Variants in ATP8B1 observed in about 807,000 individuals in gnomAD.
ATP8B1 encodes the protein phospholipid-transporting ATPase IC.
A neutral mutation model predicts 149.9 loss-of-function variants in ATP8B1; 80 were observed. The observed-to-expected ratio is 0.53, with a 90% CI of 0.45 to 0.64. The LOEUF (loss-of-function observed/expected upper bound fraction) is 0.64. Among genes scored for constraint, ATP8B1 ranks in the 30% least tolerant of loss-of-function variants. The pLI is 0.00. For missense variants in ATP8B1, 1,247 were observed against 1,552.6 expected (o/e 0.80, Z 3.31); for synonymous variants, 536 against 562.8 (o/e 0.95, Z 0.67).
intron 1 of ATP8B1, among the ~76,000 whole-genome samples, chr18:57,770,717 G>A (rs1036262271): frequency 6.6e-6 from 1 of 152,252 alleles, no homozygotes; most frequent in South Asian, 2.1e-4. Flanking sequence ...GTATACTGGG[G>A]CTTGCCTACT....
chr18:57,722,889 G>C (rs1449701743), intron 2 of ATP8B1, among the ~76,000 whole-genome samples: 4 of 149,732 alleles, frequency 2.7e-5, no homozygotes. Flanking sequence ...ACATCAAAAA[G>C]CTTATCCACC....
At chr18:57,650,733 C>T (rs1909557144) in intron 26 of ATP8B1, among the ~76,000 whole-genome samples, 1 of 152,094 alleles carries the variant, frequency 6.6e-6, no homozygotes, top group South Asian at 2.1e-4. Context: ...GTCCCAGCTA[C>T]TCAGGAGACA....
At chr18:57,684,973 A>G in intron 14 of ATP8B1, 99 bp downstream of exon 14, 1 of 1,456,090 alleles carries the variant, frequency 6.9e-7, no homozygotes. Flanking sequence ...GGGAAGAGGC[A>G]ACGAAAGAGT....
rs515726138 is a variant in ATP8B1 at position 57,697,797 on chromosome 18, G to T, written c.625C>A (p.Pro209Thr). Residue 209 changes from proline to threonine, a missense_variant and splice_region_variant, in exon 7 of 28, where the codon CCA becomes ACA. Around this residue, in one of 3 missense-constraint regions of ATP8B1, gnomAD observed 853 missense variants for 1,035.7 expected, o/e 0.82. Coordinates refer to ENST00000648908, the MANE Select transcript of ATP8B1 (RefSeq NM_001374385.1). ...AGAAGCAGAATTTGTTCACTTACTG[G>T]AACAAAATCATTTTTTTTCAGACGA... ...VIRLKKNDFVPADILLLSSSE... is the reference protein window; with the variant it reads ...VIRLKKNDFVTADILLLSSSE... The T allele has an allele frequency of 1.9e-6, 3 of 1,613,750 alleles. No individual in the cohort carries two copies. Among genetic ancestry groups the T allele is most frequent in the East Asian group, 2.2e-5 (1 of 44,848 alleles).
chr18:57,799,458 C>G (rs1009056443), intron 1 of ATP8B1, among the ~76,000 whole-genome samples: 2 of 152,146 alleles, frequency 1.3e-5, no homozygotes, highest in African/African-American at 4.8e-5. Context: ...CGCCTATAAT[C>G]CCAGCACTTT....
rs191124059 is a variant in ATP8B1 at position 57,751,597 on chromosome 18, A to T, written c.-25-19765T>A. Among the ~76,000 whole-genome samples, 9 of 152,326 alleles carry T rather than the reference A, an allele frequency of 5.9e-5. No individual in the cohort carries two copies. The East Asian group carries it at 1.7e-3, about 29-fold the overall frequency. On this transcript the variant is annotated intron_variant, in intron 1 of 27. Coordinates refer to ENST00000648908, the MANE Select transcript of ATP8B1 (RefSeq NM_001374385.1). ...TGGGGATCTACAAGGCTTCCAGATT[A>T]TCTTCAAAATCTGTTGATAGACATT...
At chr18:57,796,410 C>T (rs2080515888) in intron 1 of ATP8B1, among the ~76,000 whole-genome samples, 1 of 152,124 alleles carries the variant, frequency 6.6e-6, no homozygotes, top group Non-Finnish European at 1.5e-5. Context: ...ACTCGGGAGA[C>T]TAAGGCGAGA....
chr18:57,799,359 A>G (rs1253495803), intron 1 of ATP8B1, among the ~76,000 whole-genome samples: 1 of 152,236 alleles, frequency 6.6e-6, no homozygotes, highest in Non-Finnish European at 1.5e-5. Context: ...ATTTATAAGT[A>G]TCAAAGAAAG....
At chr18:57,763,996 G>A (rs1178460700) in intron 1 of ATP8B1, among the ~76,000 whole-genome samples, 1 of 152,194 alleles carries the variant, frequency 6.6e-6, no homozygotes, top group Admixed American at 6.5e-5. Flanking sequence ...GCTCTGAGAA[G>A]CACGATATCC....
At chr18:57,677,820 G>A (rs1424103793) in intron 15 of ATP8B1, among the ~76,000 whole-genome samples, 1 of 152,096 alleles carries the variant, frequency 6.6e-6, no homozygotes, top group East Asian at 1.9e-4. Flanking sequence ...TTGGCACAGC[G>A]ATATATGGCA....
intron 2 of ATP8B1, among the ~76,000 whole-genome samples, chr18:57,709,832 A>G (rs1913601935): frequency 6.6e-6 from 1 of 151,778 alleles, no homozygotes; most frequent in African/African-American, 2.4e-5. Context: ...GGTGCACACC[A>G]CCACGCCCGG....
At chr18:57,747,820 G>A (rs908041581) in intron 1 of ATP8B1, among the ~76,000 whole-genome samples, 3 of 152,166 alleles carry the variant, frequency 2.0e-5, no homozygotes, top group Non-Finnish European at 4.4e-5. Context: ...TGTCTCTTAT[G>A]CTGTATTTCA....
chr18:57,653,917 T>C, intron 24 of ATP8B1, 75 bp downstream of exon 24: 1 of 1,351,558 alleles, frequency 7.4e-7, no homozygotes, highest in Non-Finnish European at 1.1e-6. Context: ...AAGAATGCAT[T>C]GAAACGTTTG....
chr18:57,763,645 A>T (rs549154040), intron 1 of ATP8B1, among the ~76,000 whole-genome samples: 7 of 151,458 alleles, frequency 4.6e-5, no homozygotes, highest in South Asian at 2.1e-4. Context: ...CAAGTAAGTA[A>T]ATTGAAGAAA....
chr18:57,760,726 C>T (rs1440301676), intron 1 of ATP8B1, among the ~76,000 whole-genome samples: 1 of 152,112 alleles, frequency 6.6e-6, no homozygotes. Context: ...CGCAGTGGCT[C>T]ACGCCCATAA....
At chr18:57,716,922 G>A (rs1276478579) in intron 2 of ATP8B1, among the ~76,000 whole-genome samples, 1 of 152,170 alleles carries the variant, frequency 6.6e-6, no homozygotes, top group Non-Finnish European at 1.5e-5. Flanking sequence ...CGTATATTAA[G>A]TCACAGAACG....
chr18:57,740,329 TTTTG>T (rs1163395290), intron 1 of ATP8B1, among the ~76,000 whole-genome samples: 3 of 152,176 alleles, frequency 2.0e-5, no homozygotes, highest in South Asian at 2.1e-4. Flanking sequence ...TTTTTCCTCA[TTTTG>T]TTTATTATTA....
intron 1 of ATP8B1, among the ~76,000 whole-genome samples, chr18:57,737,556 T>C (rs1241402886): frequency 1.0e-5 from 1 of 99,232 alleles, no homozygotes. Flanking sequence ...CCTGGCTTTT[T>C]TTTTCTTTCT....
chr18:57,702,855 C>A, intron 4 of ATP8B1, among the ~76,000 whole-genome samples: 1 of 99,290 alleles, frequency 1.0e-5, no homozygotes, highest in South Asian at 4.0e-4. Context: ...GAAACTCCAT[C>A]TCAAAAAAAA....
Sources: gnomAD v4.1 joint callset for allele counts (sites outside exome capture counted in the v4.1 genomes callset) on GRCh38, gnomAD v4.1.1 for gene constraint, gnomAD v4.1.1 regional missense constraint, MANE v1.5 for transcripts, NCBI Gene and HGNC (gene_info 2026-07-23, HGNC 2026-07-21) for gene names.